PRKAG2: variants seen among roughly 807,000 people sequenced by gnomAD.
PRKAG2 encodes 5'-AMP-activated protein kinase subunit gamma-2.
In PRKAG2, 26 loss-of-function variants were observed where a neutral mutation model predicts 69.6. The ratio of observed to expected loss-of-function variants is 0.37; its 90% CI spans 0.27 to 0.52. The LOEUF (loss-of-function observed/expected upper bound fraction) is 0.52. Among genes scored for constraint, PRKAG2 ranks in the 20% least tolerant of loss-of-function variants. The pLI, the probability that PRKAG2 is intolerant of heterozygous loss-of-function variation, is 0.90. For synonymous variants in PRKAG2, 293 were observed against 285.0 expected, an observed-to-expected ratio of 1.03 and a Z score of -0.28; for missense variants, 557 against 740.0, an observed-to-expected ratio of 0.75 and a Z score of 2.87.
At chr7:151,729,034 G>A (rs1010416652) in intron 3 of PRKAG2, among the ~76,000 whole-genome samples, 12 of 152,026 alleles carry the variant, frequency 7.9e-5, no homozygotes, top group African/African-American at 1.9e-4. Context: ...GGGAGTCCTC[G>A]GGGAGCAGCA....
chr7:151,558,327 T>C, intron 15 of PRKAG2: 1 of 985,466 alleles, frequency 1.0e-6, no homozygotes, highest in African/African-American at 1.7e-5. Flanking sequence ...TCTTACTGAC[T>C]ATTCCATGGA....
chr7:151,801,779 C>A (rs958220213), intron 1 of PRKAG2, among the ~76,000 whole-genome samples: 1 of 152,190 alleles, frequency 6.6e-6, no homozygotes, highest in Non-Finnish European at 1.5e-5. Flanking sequence ...GGAGAGACTT[C>A]CAGATCAGCT....
intron 1 of PRKAG2, among the ~76,000 whole-genome samples, chr7:151,868,744 G>A (rs1326124666): frequency 6.6e-6 from 1 of 152,094 alleles, no homozygotes; most frequent in Non-Finnish European, 1.5e-5. Context: ...GGCTCTACTC[G>A]GTAACCTTAG....
intron 1 of PRKAG2, among the ~76,000 whole-genome samples, chr7:151,849,854 C>T (rs183062064): frequency 2.6e-5 from 4 of 152,330 alleles, no homozygotes; most frequent in Non-Finnish European, 5.9e-5. Context: ...GCCAGAGACG[C>T]CATATCCACA....
intron 1 of PRKAG2, 62 bp downstream of exon 1, chr7:151,876,445 C>A: frequency 4.0e-6 from 6 of 1,510,954 alleles, no homozygotes; most frequent in Admixed American, 1.7e-5. Flanking sequence ...TTAACCGCTT[C>A]GGCGCCGGGG....
chr7:151,582,984 A>G (rs1438204592), intron 6 of PRKAG2, among the ~76,000 whole-genome samples: 7 of 152,262 alleles, frequency 4.6e-5, no homozygotes, highest in Non-Finnish European at 8.8e-5. Context: ...TAAAATTTCC[A>G]GTCTATACTG....
chr7:151,829,557 C>G (rs139040938), intron 1 of PRKAG2, among the ~76,000 whole-genome samples: 5 of 151,900 alleles, frequency 3.3e-5, no homozygotes, highest in Non-Finnish European at 7.4e-5. Flanking sequence ...TATTTCCATA[C>G]AGAAATTTGT....
chr7:151,793,629 C>T (rs557169172), intron 1 of PRKAG2, among the ~76,000 whole-genome samples: 6 of 152,206 alleles, frequency 3.9e-5, no homozygotes, highest in Non-Finnish European at 5.9e-5. Context: ...GTTCTGACCA[C>T]GGCTGAGTGG....
Position 151,558,561 on chromosome 7 carries a change from C to G in PRKAG2, c.1679-1329G>C. 4 of 905,418 alleles carry G rather than the reference C, an allele frequency of 4.4e-6. No homozygotes were observed. The South Asian group carries it at 2.0e-4, about 46-fold the overall frequency. The allele number at this position is 905,418 out of a possible 1,614,324, so 56.1% of individuals were successfully genotyped here. On this transcript the variant is annotated intron_variant, in intron 15 of 15. Transcript: ENST00000287878. The stretch of plus-strand genomic sequence containing the variant: ...CTGGGACTTGGCCTCACGGTGGGGG[C>G]CTCCTCACTTGCGATTGTTGATCAG...
Position 151,558,124 on chromosome 7 carries a change from A to C in PRKAG2, c.1679-892T>G. On this transcript the variant is annotated intron_variant, in intron 15 of 15. Coordinates refer to ENST00000287878, the MANE Select transcript of PRKAG2 (RefSeq NM_016203.4). ...TGGCATCAGACTGCCCACACACTGG[A>C]TGCACGCACACATGGGTTCATTTGG... is the stretch of plus-strand genomic sequence containing the variant. 3 of 985,384 alleles carry C rather than the reference A, an allele frequency of 3.0e-6. No homozygotes were observed. In the South Asian group the frequency reaches 1.4e-4, roughly 46 times the overall value. 61.0% of individuals were successfully genotyped at this position (985,384 alleles called of 1,614,324 possible).
rs547366292 is a variant in PRKAG2, at chr7:151,699,521, A to G, written c.467-23884T>C. Among the ~76,000 whole-genome samples, 66 of 152,344 alleles carry G rather than the reference A, an allele frequency of 4.3e-4. No homozygotes were observed. The highest frequency in any genetic ancestry group is 1.6e-3 in the African/African-American group (65 of 41,586). On this transcript the variant is annotated intron_variant, in intron 3 of 15. Coordinates refer to ENST00000287878, the MANE Select transcript of PRKAG2 (RefSeq NM_016203.4). This position sits in a 1 kb window ranked among gnomAD's most constrained non-coding sequence, Gnocchi z 4.5. ...CCTGTTGGAGATGTTTAGTTTTATG[A>G]TTAAGAAATGGCAAAGGGCCTTTCA...
intron 1 of PRKAG2, among the ~76,000 whole-genome samples, chr7:151,827,300 G>T (rs911304789): frequency 6.6e-6 from 1 of 152,012 alleles, no homozygotes; most frequent in African/African-American, 2.4e-5. Flanking sequence ...GTGCAGTGGC[G>T]CAATCTCAGC....
At chr7:151,785,714 G>A (rs2076971304) in intron 2 of PRKAG2, among the ~76,000 whole-genome samples, 1 of 152,292 alleles carries the variant, frequency 6.6e-6, no homozygotes. Context: ...GTGGCAGAAT[G>A]CCAGGAAGCA....
intron 5 of PRKAG2, among the ~76,000 whole-genome samples, chr7:151,627,657 C>T (rs376658211): frequency 4.7e-4 from 72 of 152,200 alleles, no homozygotes; most frequent in African/African-American, 1.7e-3. Flanking sequence ...GATTGAGGCA[C>T]GTTCTGGAAA....
intron 3 of PRKAG2, among the ~76,000 whole-genome samples, chr7:151,751,740 T>C (rs185394542): frequency 1.3e-5 from 2 of 151,850 alleles, no homozygotes; most frequent in Admixed American, 1.3e-4. Context: ...CTTGAACTCC[T>C]GAGCTCAAGC....
chr7:151,559,206 C>T (rs1452653716), intron 15 of PRKAG2: 2 of 972,294 alleles, frequency 2.1e-6, no homozygotes, highest in Non-Finnish European at 2.4e-6. Flanking sequence ...TGAGATTCCT[C>T]CACTGTTGAA....
intron 4 of PRKAG2, among the ~76,000 whole-genome samples, chr7:151,669,750 C>CT (rs1384008748): frequency 1.3e-5 from 2 of 150,878 alleles, no homozygotes; most frequent in South Asian, 2.1e-4. Context: ...GTGCACACAC[C>CT]TGCATGCACA....
chr7:151,706,707 TG>T (rs1295210663), intron 3 of PRKAG2, among the ~76,000 whole-genome samples: 2 of 152,398 alleles, frequency 1.3e-5, no homozygotes, highest in African/African-American at 4.8e-5. Context: ...CCATTTTGGC[TG>T]TCTCCCAGAC....
At chr7:151,586,932 G>A (rs918431815) in intron 6 of PRKAG2, among the ~76,000 whole-genome samples, 2 of 152,120 alleles carry the variant, frequency 1.3e-5, no homozygotes, top group African/African-American at 4.8e-5. Context: ...TCTTCAAGGT[G>A]GGTGGATCAC....
Sources: gnomAD v4.1 joint callset for allele counts (sites outside exome capture counted in the v4.1 genomes callset) on GRCh38, gnomAD v4.1.1 for gene constraint, Gnocchi (gnomAD v3.1) non-coding constraint, MANE v1.5 for transcripts, NCBI Gene and HGNC (gene_info 2026-07-23, HGNC 2026-07-21) for gene names.